The following TLL1 variants were observed in gnomAD, a reference collection of about 807,000 sequenced individuals.
TLL1 encodes the protein tolloid-like protein 1.
Under a neutral mutation model 128.2 loss-of-function variants are expected in TLL1, and 49 were observed. That is an observed-to-expected ratio of 0.38 (90% CI 0.30 to 0.48). TLL1 has a LOEUF of 0.48. Ranked by LOEUF, TLL1 falls within the 20% of genes least tolerant of loss-of-function variation. The probability of loss-of-function intolerance (pLI) is 0.96; values close to 1 mark genes in which losing one functional copy is unlikely to be tolerated. For synonymous variants in TLL1, 454 were observed against 418.8 expected (o/e 1.08, Z -1.03); for missense variants, 1,123 against 1,242.0 (o/e 0.90, Z 1.44).
At position 166,055,245 on chromosome 4, in the gene TLL1, C is replaced by A; in HGVS notation, c.1694C>A (p.Ala565Glu). 1 of 1,613,616 alleles carries A rather than the reference C, an allele frequency of 6.2e-7. No homozygotes were observed. The highest frequency in any genetic ancestry group is 8.5e-7 in the Non-Finnish European group (1 of 1,179,782). Reference protein sequence around the residue: ...KFVSDGTVNKAGFAANFFKEE... With the variant: ...KFVSDGTVNKEGFAANFFKEE... ...GTTTCTGACGGAACTGTGAACAAAG[C>A]AGGGTTTGCTGCTAACTTTTTTAAA... The change falls in exon 13 of 21, where the codon GCA (alanine) becomes GAA (glutamate). Residue 565 changes from alanine to glutamate, a missense_variant. By Grantham distance (107) the Ala-to-Glu change is moderately radical. Around this residue, in one of 3 missense-constraint regions of TLL1, gnomAD observed 634 missense variants for 672.4 expected, o/e 0.94. Coordinates refer to ENST00000061240, the MANE Select transcript of TLL1 (RefSeq NM_012464.5).
intron 1 of TLL1, among the ~76,000 whole-genome samples, chr4:165,910,954 T>C (rs898429449): frequency 3.3e-5 from 5 of 152,188 alleles, no homozygotes; most frequent in Admixed American, 3.3e-4. Flanking sequence ...TGATATTTTG[T>C]TACATGAATA....
rs773541007 is a variant in TLL1 at position 166,003,499 on chromosome 4, C to G, written c.741C>G (p.Gly247=). The change falls in exon 6 of 21, where the codon GGC becomes GGG. Residue 247 remains glycine, a synonymous_variant. Coordinates refer to ENST00000061240, the MANE Select transcript of TLL1 (RefSeq NM_012464.5). ...IVVHELGHVI[G]FWHEHTRPDR... is the part of the protein sequence containing the mutation. Reference sequence around the variant, plus strand: ...TTCATGAATTGGGTCATGTGATAGGCTTTTGGCATGAACACACAAGACCAG... The same window carrying G: ...TTCATGAATTGGGTCATGTGATAGGGTTTTGGCATGAACACACAAGACCAG... The G allele has an allele frequency of 1.9e-6, 3 of 1,613,990 alleles. No homozygotes were observed. The highest frequency in any genetic ancestry group is 2.5e-6 in the Non-Finnish European group (3 of 1,179,956).
At chr4:165,934,510 A>G (rs762800471) in intron 1 of TLL1, among the ~76,000 whole-genome samples, 4 of 152,262 alleles carry the variant, frequency 2.6e-5, no homozygotes, top group Non-Finnish European at 4.4e-5. Context: ...TACCTTGTAA[A>G]GATGGCAGAA....
At chr4:165,925,808 C>T (rs1204846847) in intron 1 of TLL1, among the ~76,000 whole-genome samples, 1 of 152,202 alleles carries the variant, frequency 6.6e-6, no homozygotes, top group East Asian at 1.9e-4. Context: ...ACTACCCCAA[C>T]CTTCAGCAAC....
intron 1 of TLL1, among the ~76,000 whole-genome samples, chr4:165,900,643 T>A (rs528728426): frequency 6.6e-6 from 1 of 151,396 alleles, no homozygotes; most frequent in South Asian, 2.1e-4. Flanking sequence ...GATAACCCGA[T>A]CTTTCTCTCT....
chr4:166,093,624 A>T (rs1431387005), intron 19 of TLL1, among the ~76,000 whole-genome samples: 1 of 151,918 alleles, frequency 6.6e-6, no homozygotes. Flanking sequence ...TTACTAATCC[A>T]CCTCAGCACA....
intron 1 of TLL1, among the ~76,000 whole-genome samples, chr4:165,972,062 C>A (rs1015925519): frequency 1.3e-5 from 2 of 152,014 alleles, no homozygotes; most frequent in African/African-American, 4.8e-5. Flanking sequence ...GGATTGCAGT[C>A]CAAGAGGCTT....
At chr4:165,946,127 G>T (rs1223381455) in intron 1 of TLL1, among the ~76,000 whole-genome samples, 1 of 152,054 alleles carries the variant, frequency 6.6e-6, no homozygotes, top group East Asian at 1.9e-4. Context: ...GACAGCCAAA[G>T]AACTGGGACT....
intron 1 of TLL1, among the ~76,000 whole-genome samples, chr4:165,940,558 G>A (rs957383333): frequency 6.6e-6 from 1 of 151,846 alleles, no homozygotes; most frequent in Non-Finnish European, 1.5e-5. Context: ...AAAGAGGTTG[G>A]TAATTTTATG....
chr4:165,994,301 T>C, intron 3 of TLL1, 80 bp from the exon 4 acceptor site: 1 of 1,555,092 alleles, frequency 6.4e-7, no homozygotes. Flanking sequence ...ATAAGACATT[T>C]TAACTTTTGT....
intron 1 of TLL1, among the ~76,000 whole-genome samples, chr4:165,876,683 A>G (rs1011880710): frequency 7.9e-5 from 12 of 152,240 alleles, no homozygotes; most frequent in Non-Finnish European, 1.0e-4. Flanking sequence ...CAGTGAGGTT[A>G]CATGTCTTCA....
At chr4:165,979,425 A>G (rs913354179) in intron 1 of TLL1, among the ~76,000 whole-genome samples, 4 of 152,136 alleles carry the variant, frequency 2.6e-5, no homozygotes, top group Admixed American at 1.3e-4. Flanking sequence ...AAACAGTTTA[A>G]TGATATTTAT....
At chr4:166,095,881 A>T (rs1231263557) in intron 19 of TLL1, among the ~76,000 whole-genome samples, 1 of 152,122 alleles carries the variant, frequency 6.6e-6, no homozygotes, top group African/African-American at 2.4e-5. Flanking sequence ...AACTGGTTTT[A>T]TATTTTTCTG....
At chr4:166,090,781 T>G (rs1020366533) in intron 18 of TLL1, among the ~76,000 whole-genome samples, 2 of 152,092 alleles carry the variant, frequency 1.3e-5, no homozygotes, top group Non-Finnish European at 2.9e-5. Context: ...CCCAATCTTT[T>G]AATATGATTG....
chr4:165,970,696 C>T lies in TLL1; in HGVS notation c.170-18685C>T, dbSNP rs937006242. Among the ~76,000 whole-genome samples, 8 of 151,924 alleles carry T rather than the reference C, an allele frequency of 5.3e-5. No homozygotes were observed. The South Asian group carries it at 1.0e-3, about 20-fold the overall frequency. ...TTATTATTTAGTAATAAATGACACA[C>T]GATAATGATTCTAAAGTCCTTCCAC... On this transcript the variant is annotated intron_variant, in intron 1 of 20. Transcript: ENST00000061240.
At chr4:166,064,986 G>A (rs879483551) in intron 15 of TLL1, among the ~76,000 whole-genome samples, 3 of 152,034 alleles carry the variant, frequency 2.0e-5, no homozygotes, top group Admixed American at 2.0e-4. Context: ...TGCCCTGTTG[G>A]AACTTTGGAA....
intron 1 of TLL1, among the ~76,000 whole-genome samples, chr4:165,945,582 G>A (rs760139611): frequency 6.6e-6 from 1 of 151,966 alleles, no homozygotes; most frequent in African/African-American, 2.4e-5. Context: ...TTCTAAATAG[G>A]TGATATAAAG....
chr4:166,005,079 G>A (rs1468324932), intron 6 of TLL1, among the ~76,000 whole-genome samples: 2 of 151,824 alleles, frequency 1.3e-5, no homozygotes, highest in South Asian at 2.1e-4. Context: ...TATTTTAAGA[G>A]GAATATCATC....
intron 16 of TLL1, among the ~76,000 whole-genome samples, chr4:166,068,593 A>G (rs1046241023): frequency 6.6e-6 from 1 of 151,900 alleles, no homozygotes; most frequent in Non-Finnish European, 1.5e-5. Flanking sequence ...AATTCTATAG[A>G]AAGAAATTTG....
Sources: gnomAD v4.1 joint callset for allele counts (sites outside exome capture counted in the v4.1 genomes callset) on GRCh38, gnomAD v4.1.1 for gene constraint, gnomAD v4.1.1 regional missense constraint, MANE v1.5 for transcripts, NCBI Gene and HGNC (gene_info 2026-07-23, HGNC 2026-07-21) for gene names.